FHIT: variants seen among roughly 807,000 people sequenced by gnomAD.
The protein encoded by FHIT is bis(5'-adenosyl)-triphosphatase.
A neutral mutation model predicts 17.9 loss-of-function variants in FHIT; 19 were observed. The observed-to-expected ratio is 1.06, with a 90% CI of 0.74 to 1.56. The LOEUF (loss-of-function observed/expected upper bound fraction) is 1.56. FHIT is among the 40% of genes most tolerant of loss of function. The pLI is 0.00. For synonymous variants in FHIT, 81 were observed against 69.7 expected (o/e 1.16, Z -0.81); for missense variants, 248 against 189.2 (o/e 1.31, Z -1.82).
chr3:61,140,273 T>C lies in FHIT; in HGVS notation c.-164+60344A>G, dbSNP rs193165688. Among the ~76,000 whole-genome samples the C allele has an allele frequency of 4.2e-4, 64 of 152,266 alleles. No homozygotes were observed. In the East Asian group the frequency reaches 0.012, roughly 29 times the overall value. On this transcript the variant is annotated intron_variant, in intron 2 of 9. Transcript: ENST00000492590. ...ATATGATGATGACGATGATGTCTGCTTTTACTATGAGGAAAATGCATTCAG... is the reference window on the plus strand; with the variant it reads ...ATATGATGATGACGATGATGTCTGCCTTTACTATGAGGAAAATGCATTCAG...
chr3:60,146,734 G>C (rs1171998573), intron 5 of FHIT, among the ~76,000 whole-genome samples: 1 of 152,130 alleles, frequency 6.6e-6, no homozygotes, highest in Admixed American at 6.5e-5. Context: ...CACCATCCAA[G>C]TTTCAACATG....
chr3:60,075,275 G>C (rs1702954838), intron 5 of FHIT, among the ~76,000 whole-genome samples: 1 of 151,950 alleles, frequency 6.6e-6, no homozygotes, highest in East Asian at 1.9e-4. Flanking sequence ...AAAATGCTAG[G>C]GTGATGGGGT....
intron 5 of FHIT, among the ~76,000 whole-genome samples, chr3:60,091,971 A>G (rs948861966): frequency 2.0e-5 from 3 of 152,190 alleles, no homozygotes; most frequent in African/African-American, 4.8e-5. Context: ...AATACACCAT[A>G]GTACCTCCAA....
intron 3 of FHIT, among the ~76,000 whole-genome samples, chr3:60,939,750 T>A (rs931063711): frequency 6.6e-6 from 1 of 152,152 alleles, no homozygotes; most frequent in Non-Finnish European, 1.5e-5. Context: ...ATTCCTTTCT[T>A]CAACAATTGC....
At chr3:60,661,849 T>C (rs1395091269) in intron 4 of FHIT, among the ~76,000 whole-genome samples, 1 of 152,218 alleles carries the variant, frequency 6.6e-6, no homozygotes, top group Non-Finnish European at 1.5e-5. Context: ...TTTGTATATC[T>C]TCTTCTGACA....
intron 4 of FHIT, among the ~76,000 whole-genome samples, chr3:60,683,269 G>A (rs1284736841): frequency 3.9e-5 from 6 of 152,164 alleles, no homozygotes; most frequent in African/African-American, 9.7e-5. Flanking sequence ...TTTATTGTGG[G>A]TAAAATGCTG....
intron 5 of FHIT, among the ~76,000 whole-genome samples, chr3:60,384,883 A>G (rs967030236): frequency 3.3e-5 from 5 of 151,900 alleles, no homozygotes; most frequent in Non-Finnish European, 5.9e-5. Flanking sequence ...ATAAAAACCT[A>G]TTGTGAGAAG....
intron 5 of FHIT, among the ~76,000 whole-genome samples, chr3:60,259,282 ATCTT>A (rs776936900): frequency 4.6e-5 from 7 of 152,218 alleles, no homozygotes; most frequent in Non-Finnish European, 7.4e-5. Context: ...TTTTCATTCA[ATCTT>A]TCTTTCAACA....
chr3:60,514,211 G>A (rs1250631700), intron 5 of FHIT, among the ~76,000 whole-genome samples: 2 of 152,226 alleles, frequency 1.3e-5, no homozygotes, highest in African/African-American at 2.4e-5. Flanking sequence ...CTGTCACACT[G>A]ACTCTTCACT....
At chr3:59,946,654 T>C (rs1326358130) in intron 7 of FHIT, among the ~76,000 whole-genome samples, 3 of 152,162 alleles carry the variant, frequency 2.0e-5, no homozygotes, top group Non-Finnish European at 4.4e-5. Context: ...TGGCTATGGA[T>C]TTGTCATTAT....
At chr3:60,738,623 G>C (rs1553713181) in intron 4 of FHIT, among the ~76,000 whole-genome samples, 1 of 152,218 alleles carries the variant, frequency 6.6e-6, no homozygotes, top group Non-Finnish European at 1.5e-5. Context: ...ATTGGTTCAA[G>C]TTCTCGATCT....
At chr3:60,236,679 T>C (rs562093943) in intron 5 of FHIT, among the ~76,000 whole-genome samples, 13 of 151,420 alleles carry the variant, frequency 8.6e-5, no homozygotes, top group Non-Finnish European at 1.8e-4. Flanking sequence ...TTGTCTTGTT[T>C]TGCAAGGCAA....
intron 5 of FHIT, among the ~76,000 whole-genome samples, chr3:60,194,893 C>T (rs898010843): frequency 2.0e-5 from 3 of 152,042 alleles, no homozygotes; most frequent in Non-Finnish European, 2.9e-5. Flanking sequence ...GGGCTGGGTG[C>T]GGTGGCTCAC....
chr3:59,949,384 T>C (rs1231983242), intron 7 of FHIT, among the ~76,000 whole-genome samples: 1 of 152,222 alleles, frequency 6.6e-6, no homozygotes, highest in Non-Finnish European at 1.5e-5. Context: ...TCACTCAGTG[T>C]CTTGCTAACA....
intron 3 of FHIT, among the ~76,000 whole-genome samples, chr3:60,926,263 GCACCA>G (rs1327811368): frequency 6.6e-6 from 1 of 152,166 alleles, no homozygotes; most frequent in East Asian, 1.9e-4. Flanking sequence ...ATTCTTTTCA[GCACCA>G]CACCACACCT....
At chr3:60,167,829 G>C (rs143421642) in intron 5 of FHIT, among the ~76,000 whole-genome samples, 1 of 152,240 alleles carries the variant, frequency 6.6e-6, no homozygotes, top group East Asian at 1.9e-4. Flanking sequence ...TCAGGAATTT[G>C]AAACCAGCCT....
At chr3:59,988,732 G>A (rs1709096457) in intron 7 of FHIT, among the ~76,000 whole-genome samples, 1 of 152,084 alleles carries the variant, frequency 6.6e-6, no homozygotes, top group Admixed American at 6.6e-5. Flanking sequence ...GAAGGATCAA[G>A]GACGACTTCC....
intron 5 of FHIT, among the ~76,000 whole-genome samples, chr3:60,491,363 C>T (rs1263703341): frequency 6.6e-6 from 1 of 152,008 alleles, no homozygotes. Context: ...ACACAACCAA[C>T]CTTATAATGT....
At chr3:60,692,489 G>C (rs1430997442) in intron 4 of FHIT, among the ~76,000 whole-genome samples, 1 of 152,148 alleles carries the variant, frequency 6.6e-6, no homozygotes, top group Non-Finnish European at 1.5e-5. Flanking sequence ...AAGTAGAATA[G>C]TCAGAGCAAT....
Sources: allele counts gnomAD v4.1 joint callset (sites outside exome capture counted in the v4.1 genomes callset), GRCh38; gene constraint gnomAD v4.1.1; transcripts MANE v1.5; gene names NCBI Gene and HGNC (gene_info 2026-07-23, HGNC 2026-07-21).